The following PRKD1 variants were observed in gnomAD, a reference collection of about 807,000 sequenced individuals.
PRKD1 encodes serine/threonine-protein kinase D1.
A neutral mutation model predicts 95.9 loss-of-function variants in PRKD1; 63 were observed. The ratio of observed to expected loss-of-function variants is 0.66; its 90% CI spans 0.54 to 0.81. PRKD1 has a LOEUF of 0.81. Ranked by LOEUF, PRKD1 falls within the 30% of genes least tolerant of loss-of-function variation. The pLI is 0.00. For missense variants in PRKD1, 1,048 were observed against 1,165.3 expected, an observed-to-expected ratio of 0.90 and a Z score of 1.47; for synonymous variants, 425 against 423.1, an observed-to-expected ratio of 1.00 and a Z score of -0.05.
At chr14:29,603,826 C>T (rs1046753913) in intron 13 of PRKD1, among the ~76,000 whole-genome samples, 2 of 152,194 alleles carry the variant, frequency 1.3e-5, no homozygotes. Context: ...GAGCAAGCTA[C>T]TACAGGACTC....
chr14:29,597,799 T>G (rs1312758032), intron 15 of PRKD1, 41 bp from the exon 16 acceptor site: 1 of 1,550,642 alleles, frequency 6.4e-7, no homozygotes, highest in East Asian at 2.3e-5. Flanking sequence ...CGTTCACAAT[T>G]GTGTGTCTGT....
chr14:29,874,258 C>A (rs1893210383), intron 1 of PRKD1, among the ~76,000 whole-genome samples: 2 of 152,034 alleles, frequency 1.3e-5, no homozygotes, highest in South Asian at 4.2e-4. Flanking sequence ...CAGGGAAATG[C>A]AAATCAAAGC....
chr14:29,632,787 G>A (rs1424928146), intron 9 of PRKD1, 82 bp downstream of exon 9: 4 of 1,261,924 alleles, frequency 3.2e-6, no homozygotes, highest in Non-Finnish European at 4.5e-6. Flanking sequence ...TTTGTTGGAT[G>A]TATTTCCTAT....
intron 1 of PRKD1, among the ~76,000 whole-genome samples, chr14:29,742,135 C>A (rs1463703221): frequency 6.6e-6 from 1 of 152,172 alleles, no homozygotes; most frequent in East Asian, 1.9e-4. Context: ...AACAATTTCT[C>A]TCATTTACTT....
chr14:29,807,658 A>G (rs1890291039), intron 1 of PRKD1, among the ~76,000 whole-genome samples: 2 of 152,014 alleles, frequency 1.3e-5, no homozygotes, highest in African/African-American at 4.8e-5. Flanking sequence ...TCAGCCTTCC[A>G]AAGTGCTGGG....
chr14:29,771,604 A>G (rs1264148224), intron 1 of PRKD1, among the ~76,000 whole-genome samples: 2 of 152,098 alleles, frequency 1.3e-5, no homozygotes, highest in Non-Finnish European at 2.9e-5. Flanking sequence ...CCAGGTAGAG[A>G]GTCCCTACTT....
intron 1 of PRKD1, among the ~76,000 whole-genome samples, chr14:29,878,803 G>A (rs1476365926): frequency 5.9e-5 from 9 of 152,078 alleles, no homozygotes; most frequent in Admixed American, 5.9e-4. Flanking sequence ...ATTTCTGATT[G>A]GGGTGATGAA....
rs45522641 is a variant in PRKD1, at chr14:29,872,287, T to A, written c.264+54962A>T. Among the ~76,000 whole-genome samples the A allele has an allele frequency of 5.5e-3, 844 of 152,214 alleles. 8 individuals carry two copies. Among genetic ancestry groups the A allele is most frequent in the Middle Eastern group, 0.037 (11 of 294 alleles). On this transcript the variant is annotated intron_variant, in intron 1 of 17. Coordinates refer to ENST00000331968, the MANE Select transcript of PRKD1 (RefSeq NM_002742.3). ...ATTTATTAGTGTACTTAAAATATAA[T>A]GACAAAAATACATTTTAAACATTCT...
intron 2 of PRKD1, among the ~76,000 whole-genome samples, chr14:29,722,861 G>A (rs146306225): frequency 7.2e-4 from 110 of 152,268 alleles, no homozygotes; most frequent in African/African-American, 2.6e-3. Flanking sequence ...AATATAATAA[G>A]TCGCATGCTA....
intron 2 of PRKD1, among the ~76,000 whole-genome samples, chr14:29,707,154 T>A (rs1566551582): frequency 6.6e-6 from 1 of 152,150 alleles, no homozygotes; most frequent in Non-Finnish European, 1.5e-5. Flanking sequence ...TCATAAATAA[T>A]GTAGGAGGAT....
chr14:29,894,841 G>C (rs1894064903), intron 1 of PRKD1, among the ~76,000 whole-genome samples: 1 of 152,188 alleles, frequency 6.6e-6, no homozygotes. Context: ...ACAGAAGCAA[G>C]CTTTATTGAG....
chr14:29,634,297 T>C, intron 8 of PRKD1, 121 bp downstream of exon 8: 1 of 1,440,614 alleles, frequency 6.9e-7, no homozygotes, highest in Non-Finnish European at 9.6e-7. Context: ...TAATCCCGTG[T>C]CATGCCTGTG....
intron 2 of PRKD1, among the ~76,000 whole-genome samples, chr14:29,669,742 C>G (rs955987526): frequency 6.6e-6 from 1 of 152,050 alleles, no homozygotes; most frequent in Admixed American, 6.5e-5. Flanking sequence ...GTGGCATGCA[C>G]CTGTAATCCG....
At chr14:29,696,017 T>G (rs1365448212) in intron 2 of PRKD1, among the ~76,000 whole-genome samples, 3 of 152,184 alleles carry the variant, frequency 2.0e-5, no homozygotes, top group Non-Finnish European at 4.4e-5. Context: ...ATAAAATCAC[T>G]TTTTCTTAGG....
At chr14:29,621,272 G>A (rs900838773) in intron 13 of PRKD1, among the ~76,000 whole-genome samples, 1 of 151,566 alleles carries the variant, frequency 6.6e-6, no homozygotes. Context: ...CAGCACACCA[G>A]CATGGCACAT....
At chr14:29,671,171 G>T (rs1882819460) in intron 2 of PRKD1, among the ~76,000 whole-genome samples, 1 of 152,058 alleles carries the variant, frequency 6.6e-6, no homozygotes, top group South Asian at 2.1e-4. Flanking sequence ...AAAAAATATG[G>T]CTACAAGAGA....
chr14:29,597,718 T>C lies in PRKD1; in HGVS notation c.2207A>G (p.Glu736Gly). ...CACCACTGACCTCCGGAAAGACTTC[T>C]CTCCAATGATCCGGGCAAAACCAAA... ...CDFGFARIIGEKSFRRSVVGT... is the reference protein window; with the variant it reads ...CDFGFARIIGGKSFRRSVVGT... Residue 736 changes from glutamate (E) to glycine (G), a missense_variant, in exon 16 of 18, where the codon GAG becomes GGG. This residue lies in a region of PRKD1 where 739 missense variants were observed against 861.9 expected (regional missense o/e 0.86). Transcript: ENST00000331968. The C allele has an allele frequency of 6.2e-7, 1 of 1,613,376 alleles. No homozygotes were observed. The highest frequency in any genetic ancestry group is 8.5e-7 in the Non-Finnish European group (1 of 1,179,782).
intron 13 of PRKD1, among the ~76,000 whole-genome samples, chr14:29,607,242 C>T (rs1227084349): frequency 1.3e-5 from 2 of 152,210 alleles, no homozygotes; most frequent in African/African-American, 2.4e-5. Flanking sequence ...CCAACAGAGG[C>T]TCTATCAGAT....
At position 29,577,006 on chromosome 14, in the gene PRKD1, A is replaced by T; in HGVS notation, c.*232T>A. Reference sequence around the variant, plus strand: ...AATATAACATGAATCATTCACAATAACAAGTTTCGTGTTTCAGGGAACTTT... The same window carrying T: ...AATATAACATGAATCATTCACAATATCAAGTTTCGTGTTTCAGGGAACTTT... On this transcript the variant is annotated 3_prime_UTR_variant, in exon 18 of 18. Coordinates refer to ENST00000331968, the MANE Select transcript of PRKD1 (RefSeq NM_002742.3). The T allele has an allele frequency of 3.5e-6, 2 of 563,608 alleles. No individual in the cohort carries two copies. Among genetic ancestry groups the T allele is most frequent in the Non-Finnish European group, 6.4e-6 (2 of 314,844 alleles). 34.9% of individuals were successfully genotyped at this position (563,608 alleles called of 1,614,324 possible). A position where few individuals can be genotyped will look rare whatever the true frequency, so the allele number is the denominator to read the frequency against.
Sources: gnomAD v4.1 joint callset for allele counts (sites outside exome capture counted in the v4.1 genomes callset) on GRCh38, gnomAD v4.1.1 for gene constraint, gnomAD v4.1.1 regional missense constraint, MANE v1.5 for transcripts, NCBI Gene and HGNC (gene_info 2026-07-23, HGNC 2026-07-21) for gene names.